The following UPP2 variants were observed in gnomAD, a reference collection of about 807,000 sequenced individuals.
The protein encoded by UPP2 is uridine phosphorylase 2, also known as UPase 2.
A neutral mutation model predicts 26.7 loss-of-function variants in UPP2; 23 were observed. The observed-to-expected ratio is 0.86, with a 90% CI of 0.62 to 1.22. The LOEUF (loss-of-function observed/expected upper bound fraction) is 1.22, where lower values mean the gene tolerates loss of function less well. UPP2 is among the 50% of genes most tolerant of loss of function. The pLI is 0.00. For synonymous variants in UPP2, 127 were observed against 141.3 expected (o/e 0.90, Z 0.72); for missense variants, 387 against 396.7 (o/e 0.98, Z 0.21).
intron 3 of UPP2, among the ~76,000 whole-genome samples, chr2:158,037,123 C>T: frequency 6.6e-6 from 1 of 152,216 alleles, no homozygotes; most frequent in Middle Eastern, 3.4e-3. Flanking sequence ...ACCTGTAATC[C>T]CAGCACTTTG....
chr2:158,059,270 T>C (rs1055717477), intron 3 of UPP2, among the ~76,000 whole-genome samples: 1 of 152,222 alleles, frequency 6.6e-6, no homozygotes, highest in Non-Finnish European at 1.5e-5. Context: ...GCTGCCCAGC[T>C]CTAGCCATAT....
At chr2:158,119,296 A>T (rs1390044878) in intron 4 of UPP2, among the ~76,000 whole-genome samples, 1 of 152,064 alleles carries the variant, frequency 6.6e-6, no homozygotes, top group East Asian at 1.9e-4. Flanking sequence ...TTTCATGGCA[A>T]CACGATACAT....
chr2:158,071,080 G>A (rs1298003567), intron 3 of UPP2, among the ~76,000 whole-genome samples: 1 of 152,128 alleles, frequency 6.6e-6, no homozygotes, highest in Non-Finnish European at 1.5e-5. Flanking sequence ...GGAGTACTAG[G>A]TAAAATTAAA....
At position 158,115,116 on chromosome 2, in the gene UPP2, G is replaced by A. The variant is rs1406773412; in HGVS notation, c.196G>A (p.Gly66Arg). The A allele has an allele frequency of 1.2e-6, 2 of 1,606,716 alleles. No homozygotes were observed. Among genetic ancestry groups the A allele is most frequent in the East Asian group, 2.2e-5 (1 of 44,750 alleles). Residue 66 changes from glycine to arginine, a missense_variant, in exon 3 of 7, where the codon GGG becomes AGG. Gly to Arg is a moderately radical substitution (Grantham distance 125, BLOSUM62 -2). Coordinates refer to ENST00000005756, the MANE Select transcript of UPP2 (RefSeq NM_173355.4). ...FGDVKFVCVG[G>R]SPNRMKAFAL... ...TTATTAACAGTTTGTCTGTGTCGGT[G>A]GGAGCCCCAACAGAATGAAAGCATT...
intron 1 of UPP2, among the ~76,000 whole-genome samples, chr2:158,104,407 G>T (rs1481412149): frequency 1.3e-5 from 2 of 152,090 alleles, no homozygotes; most frequent in Non-Finnish European, 2.9e-5. Context: ...TCTCAACTTT[G>T]GCTTCACCAA....
At chr2:158,025,189 A>G (rs56146419) in intron 3 of UPP2, among the ~76,000 whole-genome samples, 48,773 of 147,186 alleles carry the variant, frequency 0.33, 11,513 homozygotes, top group African/African-American at 0.67. Context: ...GTGACAGAGC[A>G]AGACTCCCTC....
intron 3 of UPP2, among the ~76,000 whole-genome samples, chr2:158,086,537 G>A (rs763764410): frequency 2.6e-5 from 4 of 151,798 alleles, no homozygotes; most frequent in Non-Finnish European, 5.9e-5. Flanking sequence ...CTGGGTTTGG[G>A]TTTGGTTTGT....
intron 3 of UPP2, among the ~76,000 whole-genome samples, chr2:158,061,898 T>G (rs1268672209): frequency 6.6e-6 from 1 of 152,238 alleles, no homozygotes. Context: ...TTTCAGTGGC[T>G]TCTGTCCCTT....
At chr2:158,047,265 G>A (rs1684169671) in intron 3 of UPP2, among the ~76,000 whole-genome samples, 2 of 152,174 alleles carry the variant, frequency 1.3e-5, no homozygotes, top group African/African-American at 4.8e-5. Context: ...TTCATTTAAG[G>A]GGAACCAACT....
intron 1 of UPP2, among the ~76,000 whole-genome samples, chr2:158,102,610 C>A (rs764070277): frequency 9.2e-5 from 14 of 152,190 alleles, no homozygotes; most frequent in Non-Finnish European, 2.1e-4. Flanking sequence ...CTATGTGATT[C>A]ATCTCATGGG....
chr2:158,111,600 A>C (rs1331729060), intron 2 of UPP2, among the ~76,000 whole-genome samples: 1 of 152,102 alleles, frequency 6.6e-6, no homozygotes, highest in African/African-American at 2.4e-5. Context: ...ATTTAGGTTT[A>C]CCATTTTATA....
chr2:158,033,326 A>C (rs915096703), intron 3 of UPP2, among the ~76,000 whole-genome samples: 4 of 152,154 alleles, frequency 2.6e-5, no homozygotes, highest in African/African-American at 9.7e-5. Flanking sequence ...GGCGGCAAAA[A>C]GGCTTACAGA....
chr2:158,015,770 C>T, intron 2 of UPP2: 1 of 453,332 alleles, frequency 2.2e-6, no homozygotes, highest in Non-Finnish European at 4.4e-6. Flanking sequence ...CCTTTGCTCT[C>T]TGTCTCTCTC....
At chr2:158,048,742 A>G (rs2105169594) in intron 3 of UPP2, among the ~76,000 whole-genome samples, 1 of 152,340 alleles carries the variant, frequency 6.6e-6, no homozygotes. Flanking sequence ...ATTGTAAATT[A>G]GCTATACAAG....
At chr2:158,034,920 G>A (rs1465623651) in intron 3 of UPP2, among the ~76,000 whole-genome samples, 4 of 152,120 alleles carry the variant, frequency 2.6e-5, no homozygotes, top group East Asian at 1.9e-4. Context: ...CAAATAAAGT[G>A]CACATCAGAA....
At chr2:158,050,757 A>G (rs1043652865) in intron 3 of UPP2, among the ~76,000 whole-genome samples, 3 of 152,218 alleles carry the variant, frequency 2.0e-5, no homozygotes, top group Admixed American at 2.0e-4. Context: ...GTGATTATGG[A>G]ATTTGAAACA....
At chr2:158,085,660 C>T (rs1682803047) in intron 3 of UPP2, among the ~76,000 whole-genome samples, 1 of 152,006 alleles carries the variant, frequency 6.6e-6, no homozygotes, top group South Asian at 2.1e-4. Context: ...GCTTTTATTA[C>T]ATTGAGGTAT....
intron 3 of UPP2, among the ~76,000 whole-genome samples, chr2:158,072,492 A>G (rs531807483): frequency 9.2e-5 from 14 of 152,226 alleles, no homozygotes; most frequent in African/African-American, 3.4e-4. Flanking sequence ...CACAGGCAGT[A>G]GCCAAATAGT....
At chr2:158,083,865 T>TATACATATATATATATATATATATA (rs1553467788) in intron 3 of UPP2, among the ~76,000 whole-genome samples, 7 of 118,752 alleles carry the variant, frequency 5.9e-5, no homozygotes, top group African/African-American at 2.2e-4. Flanking sequence ...TATATATGTT[T>TATACATATATATATATATATATATA]TTTATATATA....
Sources: allele counts gnomAD v4.1 joint callset (sites outside exome capture counted in the v4.1 genomes callset), GRCh38; gene constraint gnomAD v4.1.1; transcripts MANE v1.5; gene names NCBI Gene and HGNC (gene_info 2026-07-23, HGNC 2026-07-21).